Variants in COL4A5 observed in about 807,000 individuals in gnomAD.
COL4A5 encodes collagen type IV alpha 5 chain.
A neutral mutation model predicts 130.2 loss-of-function variants in COL4A5; 26 were observed. The ratio of observed to expected loss-of-function variants is 0.20; its 90% CI spans 0.15 to 0.28. The LOEUF (loss-of-function observed/expected upper bound fraction) is 0.28, where lower values mean the gene tolerates loss of function less well. COL4A5 is among the 10% of genes least tolerant of loss of function. COL4A5 has a pLI of 1.00. For missense variants in COL4A5, 1,131 were observed against 1,344.3 expected, an observed-to-expected ratio of 0.84 and a Z score of 2.48; for synonymous variants, 496 against 439.6, an observed-to-expected ratio of 1.13 and a Z score of -1.60.
At chrX:108,543,520 A>G (rs1158835581) in intron 2 of COL4A5, among the ~76,000 whole-genome samples, 4 of 111,160 alleles carry the variant, frequency 3.6e-5, no homozygotes, top group African/African-American at 9.8e-5. Flanking sequence ...GCCTTGTAGT[A>G]TAGTTTGAAG....
At chrX:108,580,776 T>C in intron 15 of COL4A5, 38 bp downstream of exon 15, 1 of 1,136,846 alleles carries the variant, frequency 8.8e-7, no homozygotes, top group East Asian at 3.0e-5. Context: ...TGCAAAAAAA[T>C]TCTAAATGTG....
At chrX:108,482,315 G>A (rs2064900398) in intron 1 of COL4A5, among the ~76,000 whole-genome samples, 2 of 111,475 alleles carry the variant, frequency 1.8e-5, no homozygotes, top group African/African-American at 6.5e-5. Context: ...CTAATTATAG[G>A]TCTAGAAGCA....
intron 36 of COL4A5, among the ~76,000 whole-genome samples, chrX:108,640,277 A>G (rs1338459735): frequency 8.9e-6 from 1 of 111,903 alleles, no homozygotes; most frequent in Non-Finnish European, 1.9e-5. Flanking sequence ...TAAGTGAAAT[A>G]AGCCAGTTAT....
chrX:108,688,935 A>G (rs772610287), intron 49 of COL4A5, among the ~76,000 whole-genome samples: 25 of 111,790 alleles, frequency 2.2e-4, no homozygotes, highest in African/African-American at 7.1e-4. Flanking sequence ...TCCAAGGCAT[A>G]TGGCCACACC....
At chrX:108,467,514 G>A (rs1020244263) in intron 1 of COL4A5, among the ~76,000 whole-genome samples, 2 of 111,494 alleles carry the variant, frequency 1.8e-5, no homozygotes, top group Non-Finnish European at 3.8e-5. Flanking sequence ...TTTGAAGATT[G>A]ACTTTACTAT....
At chrX:108,679,547 T>C (rs2068380641) in intron 44 of COL4A5, among the ~76,000 whole-genome samples, 1 of 112,268 alleles carries the variant, frequency 8.9e-6, no homozygotes. Flanking sequence ...TTGATGTTTT[T>C]CTGATATGTA....
In COL4A5 at chrX:108,582,919, C is replaced by T. The variant is rs766053618; in HGVS notation, c.972C>T (p.Pro324=). The T allele has an allele frequency of 4.2e-6, 5 of 1,202,286 alleles. No individual in the cohort carries two copies. The highest frequency in any genetic ancestry group is 1.8e-5 in the South Asian group (1 of 56,626). Residue 324 remains proline (P), a synonymous_variant, in exon 17 of 53, where the codon CCC becomes CCT. Coordinates refer to ENST00000328300, the MANE Select transcript of COL4A5 (RefSeq NM_033380.3). ...LPGDPGYPGE[P]GRDGEKGQKG... The stretch of plus-strand genomic sequence containing the variant: ...GTGATCCTGGTTACCCTGGTGAACC[C>T]GGAAGGGATGGTGAAAAGGTAAGAA...
At chrX:108,672,253 C>A (rs2068221027) in intron 42 of COL4A5, among the ~76,000 whole-genome samples, 1 of 112,213 alleles carries the variant, frequency 8.9e-6, no homozygotes, top group Admixed American at 9.4e-5. Context: ...TGAGTCCCAC[C>A]TTATCTGACC....
At chrX:108,526,595 C>CCTTCCTTT (rs2065316239) in intron 1 of COL4A5, among the ~76,000 whole-genome samples, 6 of 33,294 alleles carry the variant, frequency 1.8e-4, no homozygotes, top group Non-Finnish European at 2.7e-4. Flanking sequence ...CTCCCTCCCT[C>CCTTCCTTT]CTTTCTTTCT....
Position 108,497,239 on chromosome X carries a change from A to C in COL4A5, c.82-42507A>C, listed in dbSNP as rs568032342. On this transcript the variant is annotated intron_variant, in intron 1 of 52. Transcript: ENST00000328300. ...CACTGAATCACATTACATTGTATGG[A>C]TATACCACATTTTGGTTATCGGTTT... Among the ~76,000 whole-genome samples the C allele has an allele frequency of 1.3e-4, 15 of 112,554 alleles. No homozygotes were observed. In the South Asian group the frequency reaches 1.8e-3, roughly 14 times the overall value.
chrX:108,646,524 G>A (rs2067593396), intron 36 of COL4A5, among the ~76,000 whole-genome samples: 2 of 110,914 alleles, frequency 1.8e-5, no homozygotes, highest in African/African-American at 3.3e-5. Flanking sequence ...CTCCCATTCT[G>A]TAGGTTGCCT....
intron 1 of COL4A5, among the ~76,000 whole-genome samples, chrX:108,527,117 C>A (rs1458325009): frequency 2.7e-5 from 3 of 110,485 alleles, no homozygotes; most frequent in Non-Finnish European, 5.7e-5. Flanking sequence ...TTATAATGTA[C>A]CTTATTCCAA....
chrX:108,552,612 A>G (rs2065768800), intron 2 of COL4A5, among the ~76,000 whole-genome samples: 1 of 112,029 alleles, frequency 8.9e-6, no homozygotes, highest in African/African-American at 3.2e-5. Context: ...GAAAACTACA[A>G]AAAATATTGC....
chrX:108,506,440 A>G (rs756037187), intron 1 of COL4A5, among the ~76,000 whole-genome samples: 95 of 110,290 alleles, frequency 8.6e-4, no homozygotes, highest in African/African-American at 3.0e-3. Context: ...CACCAGGGAC[A>G]GGTTTTGTGG....
At chrX:108,584,646 T>C in intron 18 of COL4A5, 121 bp downstream of exon 18, 2 of 598,407 alleles carry the variant, frequency 3.3e-6, no homozygotes, top group South Asian at 5.6e-5. Flanking sequence ...TCATTATCAA[T>C]TTCTACTGGC....
intron 24 of COL4A5, 91 bp downstream of exon 24, chrX:108,597,659 A>C: frequency 6.3e-6 from 5 of 798,743 alleles, no homozygotes; most frequent in Non-Finnish European, 9.3e-6. Flanking sequence ...ACTGATGCTG[A>C]GATAAACACC....
chrX:108,511,109 T>C (rs1434871793), intron 1 of COL4A5, among the ~76,000 whole-genome samples: 1 of 111,878 alleles, frequency 8.9e-6, no homozygotes, highest in Non-Finnish European at 1.9e-5. Flanking sequence ...ATTTTTAATA[T>C]TGTGTCACTA....
chrX:108,568,572 T>C (rs959384788), intron 4 of COL4A5, 57 bp from the exon 5 acceptor site: 1 of 795,511 alleles, frequency 1.3e-6, no homozygotes, highest in Non-Finnish European at 1.9e-6. Context: ...TTAGGTAGGA[T>C]ATTATTTTAT....
At chrX:108,609,517 T>C (rs775781978) in intron 29 of COL4A5, among the ~76,000 whole-genome samples, 1 of 111,864 alleles carries the variant, frequency 8.9e-6, no homozygotes, top group East Asian at 2.8e-4. Flanking sequence ...TTATTAGCAT[T>C]TTAGCCCTGG....
Sources: allele counts gnomAD v4.1 joint callset (sites outside exome capture counted in the v4.1 genomes callset), GRCh38; gene constraint gnomAD v4.1.1; transcripts MANE v1.5; gene names NCBI Gene and HGNC (gene_info 2026-07-23, HGNC 2026-07-21).